The following DPPA4 variants were observed in gnomAD, a reference collection of about 807,000 sequenced individuals.
DPPA4 encodes the protein developmental pluripotency-associated protein 4.
DPPA4 carries 22 observed loss-of-function variants against 33.7 expected under a neutral mutation model. The observed-to-expected ratio is 0.65, with a 90% CI of 0.47 to 0.93. DPPA4 has a LOEUF of 0.93. Among genes scored for constraint, DPPA4 ranks in the 40% least tolerant of loss-of-function variants. The probability of loss-of-function intolerance (pLI) is 0.00; values close to 1 mark genes in which losing one functional copy is unlikely to be tolerated. For missense variants in DPPA4, 340 were observed against 358.6 expected, an observed-to-expected ratio of 0.95 and a Z score of 0.42; for synonymous variants, 156 against 132.3, an observed-to-expected ratio of 1.18 and a Z score of -1.23.
rs537517881 is a variant in DPPA4, at chr3:109,335,958, G to C, written c.54+1506C>G. 1.1e-4 allele frequency among the ~76,000 whole-genome samples: 16 copies of C among 151,658 alleles called. 1 individual carries two copies. The South Asian group carries it at 1.9e-3, about 18-fold the overall frequency. Reference sequence around the variant, plus strand: ...GATTGAGGTCAGGAGTTCGAGACCAGCCTGGCTAACATATCGAAACTCAGT... The same window carrying C: ...GATTGAGGTCAGGAGTTCGAGACCACCCTGGCTAACATATCGAAACTCAGT... On this transcript the variant is annotated intron_variant, in intron 1 of 6. Coordinates refer to ENST00000335658, the MANE Select transcript of DPPA4 (RefSeq NM_018189.4).
chr3:109,331,916 A>G lies in DPPA4; in HGVS notation c.294T>C (p.Ile98=). 6.2e-7 allele frequency: 1 copy of G among 1,614,066 alleles called. No homozygotes were observed. Residue 98 remains isoleucine (I), a synonymous_variant, in exon 3 of 7, where the codon ATT becomes ATC. Coordinates refer to ENST00000335658, the MANE Select transcript of DPPA4 (RefSeq NM_018189.4). ...LPPVNLIHRD[I]LRAWCQQLKL... ...TCAATTGTTGGCACCAGGCCCGCAG[A>G]ATGTCCCGGTGAATCAGATTAACAG...
Position 109,327,241 on chromosome 3 carries a change from A to C in DPPA4, c.*747T>G, listed in dbSNP as rs1370046434. The C allele has an allele frequency of 6.6e-6, 1 of 152,134 alleles. No homozygotes were observed. The allele number at this position is 152,134 out of a possible 1,614,324, so 9.4% of individuals were successfully genotyped here. On this transcript the variant is annotated 3_prime_UTR_variant, in exon 7 of 7. Coordinates refer to ENST00000335658, the MANE Select transcript of DPPA4 (RefSeq NM_018189.4). ...GCCTTTCTTTGCCTTAAAATACTTT[A>C]CGTTTTATGAAATTGCAATTGGAAT...
upstream of DPPA4, among the ~76,000 whole-genome samples, chr3:109,338,634 A>ATT (rs1708257002): frequency 6.6e-6 from 1 of 152,180 alleles, no homozygotes. Flanking sequence ...CACAGGCTAG[A>ATT]AATCCACGGA....
At chr3:109,328,122 C>T (rs778177140) in intron 6 of DPPA4, 98 bp from the exon 7 acceptor site, 2 of 781,844 alleles carry the variant, frequency 2.6e-6, no homozygotes, top group Admixed American at 1.9e-5. Context: ...ATTGCCCTTA[C>T]AACTTTAGGA....
At chr3:109,330,325 A>AAG in intron 5 of DPPA4, 199 bp downstream of exon 5, 1 of 353,404 alleles carries the variant, frequency 2.8e-6, no homozygotes, top group South Asian at 2.5e-5. Context: ...AAAAAAAAAA[A>AAG]AAAAAAGGAA....
At chr3:109,339,372 A>G (rs1306846161), upstream of DPPA4, among the ~76,000 whole-genome samples, 1 of 152,120 alleles carries the variant, frequency 6.6e-6, no homozygotes, top group Non-Finnish European at 1.5e-5. Flanking sequence ...TCATCCATGA[A>G]ATGAGAGTCA....
At chr3:109,328,103 G>T (rs978671730) in intron 6 of DPPA4, 79 bp from the exon 7 acceptor site, 9 of 941,636 alleles carry the variant, frequency 9.6e-6, no homozygotes, top group Non-Finnish European at 1.5e-5. Context: ...CTGCTGGAAT[G>T]CTGTTGAAAT....
chr3:109,328,207 T>C (rs1707978295), intron 6 of DPPA4, among the ~76,000 whole-genome samples, 183 bp from the exon 7 acceptor site: 1 of 152,156 alleles, frequency 6.6e-6, no homozygotes, highest in Non-Finnish European at 1.5e-5. Flanking sequence ...CTCTGTAATA[T>C]ATTCCCTGAC....
intron 4 of DPPA4, among the ~76,000 whole-genome samples, chr3:109,331,260 C>CAAA (rs10593582): frequency 2.8e-3 from 161 of 58,368 alleles, no homozygotes; most frequent in African/African-American, 3.9e-3. Flanking sequence ...GACTCTGTCT[C>CAAA]AAAAAAAAAA....
intron 4 of DPPA4, 66 bp from the exon 5 acceptor site, chr3:109,330,878 G>GGTTA: frequency 4.3e-5 from 63 of 1,453,476 alleles, no homozygotes; most frequent in Non-Finnish European, 5.1e-5. Context: ...ATGGCCTAAG[G>GGTTA]AGCTCTTGAT....
upstream of DPPA4, among the ~76,000 whole-genome samples, chr3:109,338,628 G>A (rs930765516): frequency 2.0e-5 from 3 of 152,096 alleles, no homozygotes; most frequent in Non-Finnish European, 4.4e-5. Context: ...TCTGCTCACA[G>A]GCTAGAAATC....
intron 1 of DPPA4, among the ~76,000 whole-genome samples, chr3:109,334,806 C>T (rs1215518571): frequency 2.6e-5 from 4 of 152,160 alleles, no homozygotes; most frequent in Non-Finnish European, 5.9e-5. Flanking sequence ...AAAGTTGTTA[C>T]ATTCCTCAGC....
upstream of DPPA4, among the ~76,000 whole-genome samples, chr3:109,339,021 C>A (rs1469296308): frequency 6.6e-6 from 1 of 151,512 alleles, no homozygotes; most frequent in Admixed American, 6.6e-5. Context: ...TGGCAGAACC[C>A]CTTCTCTACT....
chr3:109,333,516 C>T (rs139749879), intron 2 of DPPA4: 2 of 225,454 alleles, frequency 8.9e-6, no homozygotes, highest in East Asian at 1.3e-4. Flanking sequence ...AGATATTGTC[C>T]TAACTTATTT....
chr3:109,337,627 C>A, upstream of DPPA4: 1 of 885,124 alleles, frequency 1.1e-6, no homozygotes, highest in Non-Finnish European at 1.9e-6. Context: ...TTCTTCTCCC[C>A]TTCTGTTCCC....
At chr3:109,338,134 G>A (rs915063316), upstream of DPPA4, among the ~76,000 whole-genome samples, 1 of 152,120 alleles carries the variant, frequency 6.6e-6, no homozygotes, top group Admixed American at 6.5e-5. Context: ...TGGCTATTTT[G>A]ACCTGGCTGG....
intron 5 of DPPA4, 30 bp from the exon 6 acceptor site, chr3:109,329,118 C>G: frequency 6.3e-7 from 1 of 1,599,328 alleles, no homozygotes; most frequent in Non-Finnish European, 8.6e-7. Flanking sequence ...GAGACAGGTA[C>G]CCGCACACCA....
upstream of DPPA4, among the ~76,000 whole-genome samples, chr3:109,337,960 C>T (rs1051826885): frequency 6.6e-6 from 1 of 152,174 alleles, no homozygotes; most frequent in Non-Finnish European, 1.5e-5. Context: ...TTTCTCGTAC[C>T]AAATACATTC....
chr3:109,334,101 C>T, intron 1 of DPPA4, 108 bp from the exon 2 acceptor site: 2 of 1,203,066 alleles, frequency 1.7e-6, no homozygotes, highest in Non-Finnish European at 2.3e-6. Context: ...TTACTGGACT[C>T]CACTGGCAGT....
Sources: allele counts gnomAD v4.1 joint callset (sites outside exome capture counted in the v4.1 genomes callset), GRCh38; gene constraint gnomAD v4.1.1; transcripts MANE v1.5; gene names NCBI Gene and HGNC (gene_info 2026-07-23, HGNC 2026-07-21).